AK3: variants seen among roughly 807,000 people sequenced by gnomAD.
AK3 encodes the protein GTP:AMP phosphotransferase AK3, mitochondrial.
In AK3, 27 loss-of-function variants were observed where a neutral mutation model predicts 23.7. The observed-to-expected ratio is 1.14, with a 90% CI of 0.84 to 1.57. The LOEUF (loss-of-function observed/expected upper bound fraction) is 1.57, where lower values mean the gene tolerates loss of function less well. Ranked by LOEUF, AK3 falls within the 40% of genes most tolerant of loss-of-function variation. The pLI is 0.00. For synonymous variants in AK3, 159 were observed against 116.0 expected (o/e 1.37, Z -2.38); for missense variants, 406 against 285.6 (o/e 1.42, Z -3.04).
intron 1 of AK3, among the ~76,000 whole-genome samples, chr9:4,726,228 T>C (rs7033866): frequency 0.5 from 75,662 of 151,948 alleles, 20,167 homozygotes; most frequent in East Asian, 0.74. Context: ...AATGATGAGG[T>C]GGCTGTGCAA....
chr9:4,721,893 C>T (rs1156947476), intron 2 of AK3, among the ~76,000 whole-genome samples: 1 of 152,180 alleles, frequency 6.6e-6, no homozygotes, highest in East Asian at 1.9e-4. Flanking sequence ...TTAGATAAAG[C>T]AAGCAAGTCA....
chr9:4,728,880 C>CATAT (rs367780035), intron 1 of AK3, among the ~76,000 whole-genome samples: 2 of 97,612 alleles, frequency 2.0e-5, no homozygotes, highest in Non-Finnish European at 5.2e-5. Context: ...CACACACACA[C>CATAT]ACATACATAT....
rs563611351 is a variant in AK3, at chr9:4,715,635, G to A, written c.564-2539C>T. ...GCTGATCTTGAATTCCTGCCTTTTC[G>A]ATCCTCCTGCCTTAGCCTCCCAAAG... On this transcript the variant is annotated intron_variant, in intron 4 of 4. Transcript: ENST00000381809. 2.6e-4 allele frequency among the ~76,000 whole-genome samples: 39 copies of A among 151,898 alleles called. 1 individual carries two copies. The South Asian group carries it at 5.6e-3, about 22-fold the overall frequency.
chr9:4,732,626 T>G (rs1487943202), intron 1 of AK3, among the ~76,000 whole-genome samples: 1 of 152,118 alleles, frequency 6.6e-6, no homozygotes, highest in Non-Finnish European at 1.5e-5. Flanking sequence ...ATAGGGAAAC[T>G]CAAAACCAAC....
At chr9:4,733,987 A>G (rs1480353043) in intron 1 of AK3, among the ~76,000 whole-genome samples, 3 of 152,172 alleles carry the variant, frequency 2.0e-5, no homozygotes, top group Non-Finnish European at 4.4e-5. Flanking sequence ...TATCACTCCA[A>G]TGACCGTGTT....
At position 4,722,530 on chromosome 9, in the gene AK3, T is replaced by A. The variant is rs769554300; in HGVS notation, c.247A>T (p.Thr83Ser). ...CCATCCAACAGCCAGCTATACTGGGTGAGATTTTTCAGCTCATGAAGGGCC... is the reference window on the plus strand; with the variant it reads ...CCATCCAACAGCCAGCTATACTGGGAGAGATTTTTCAGCTCATGAAGGGCC... ...RLALHELKNL[T>S]QYSWLLDGFP... The change falls in exon 2 of 5, where the codon ACC (threonine) becomes TCC (serine). Residue 83 changes from threonine (T) to serine (S), a missense_variant. Thr to Ser is a moderately conservative substitution (Grantham distance 58). Transcript: ENST00000381809. The A allele has an allele frequency of 6.2e-7, 1 of 1,614,112 alleles. No individual in the cohort carries two copies. The highest frequency in any genetic ancestry group is 1.7e-5 in the Admixed American group (1 of 59,994).
upstream of AK3, among the ~76,000 whole-genome samples, chr9:4,741,554 C>G (rs1422075999): frequency 6.6e-6 from 1 of 151,928 alleles, no homozygotes; most frequent in Non-Finnish European, 1.5e-5. Flanking sequence ...CCATTCCCAG[C>G]CGGATAGACC....
rs1489744118 is a variant in AK3, at chr9:4,722,639, G to A, written c.152-14C>T. On this transcript the variant is annotated splice_polypyrimidine_tract_variant and intron_variant, in intron 1 of 4. Coordinates refer to ENST00000381809, the MANE Select transcript of AK3 (RefSeq NM_016282.4). Reference sequence around the variant, plus strand: ...ACACGCCAATTTCTACAGCAAAGCGGGGAAAAAAATCAGTAAGTGCATTTG... The same window carrying A: ...ACACGCCAATTTCTACAGCAAAGCGAGGAAAAAAATCAGTAAGTGCATTTG... 25 of 1,613,542 alleles carry A rather than the reference G, an allele frequency of 1.5e-5. No homozygotes were observed. Among genetic ancestry groups the A allele is most frequent in the Non-Finnish European group, 2.0e-5 (24 of 1,179,838 alleles).
At chr9:4,715,460 T>A (rs992209636) in intron 4 of AK3, among the ~76,000 whole-genome samples, 1 of 144,546 alleles carries the variant, frequency 6.9e-6, no homozygotes, top group Non-Finnish European at 1.5e-5. Context: ...AGTGGAGCAA[T>A]CATAGATCAC....
chr9:4,738,680 A>G (rs1241853342), intron 1 of AK3, among the ~76,000 whole-genome samples: 2 of 151,856 alleles, frequency 1.3e-5, no homozygotes, highest in East Asian at 1.9e-4. Context: ...GCAAGGCAGA[A>G]TTATGAGGGA....
intron 1 of AK3, among the ~76,000 whole-genome samples, chr9:4,734,616 T>C (rs1259722808): frequency 6.6e-6 from 1 of 152,200 alleles, no homozygotes; most frequent in Non-Finnish European, 1.5e-5. Flanking sequence ...TGTTAAAAAA[T>C]ACCAATCTAG....
intron 1 of AK3, among the ~76,000 whole-genome samples, chr9:4,731,794 A>G (rs575409267): frequency 5.3e-5 from 8 of 152,250 alleles, no homozygotes; most frequent in African/African-American, 1.9e-4. Flanking sequence ...AACAACATGG[A>G]TTTGAACCGC....
intron 1 of AK3, among the ~76,000 whole-genome samples, chr9:4,723,436 A>T (rs760661870): frequency 6.6e-6 from 1 of 152,224 alleles, no homozygotes; most frequent in Non-Finnish European, 1.5e-5. Context: ...TTTTAACCAG[A>T]TTAGTATTGT....
chr9:4,717,497 C>G lies in AK3; in HGVS notation c.563+922G>C, dbSNP rs1452139783. 3.9e-5 allele frequency among the ~76,000 whole-genome samples: 6 copies of G among 152,196 alleles called. No individual in the cohort carries two copies. In the East Asian group the frequency reaches 1.2e-3, roughly 29 times the overall value. On this transcript the variant is annotated intron_variant, in intron 4 of 4. Transcript: ENST00000381809. ...TCCACACCATAGCATCCTGTATTGGCAAATGTGGTGGGCAATATTAAGTTT... is the reference window on the plus strand; with the variant it reads ...TCCACACCATAGCATCCTGTATTGGGAAATGTGGTGGGCAATATTAAGTTT...
In AK3 at chr9:4,722,542, G is replaced by C. The variant is rs1264542504; in HGVS notation, c.235C>G (p.Leu79Val). 5.0e-6 allele frequency: 8 copies of C among 1,614,190 alleles called. No individual in the cohort carries two copies. The highest frequency in any genetic ancestry group is 5.9e-6 in the Non-Finnish European group (7 of 1,180,036). The change falls in exon 2 of 5, where the codon CTG (leucine) becomes GTG (valine). Residue 79 changes from leucine (L) to valine (V), a missense_variant. Coordinates refer to ENST00000381809, the MANE Select transcript of AK3 (RefSeq NM_016282.4). ...CAGCTATACTGGGTGAGATTTTTCAGCTCATGAAGGGCCAGCCGAGTCATG... is the reference window on the plus strand; with the variant it reads ...CAGCTATACTGGGTGAGATTTTTCACCTCATGAAGGGCCAGCCGAGTCATG... ...DVMTRLALHE[L>V]KNLTQYSWLL...
chr9:4,726,987 T>C (rs566122420), intron 1 of AK3, among the ~76,000 whole-genome samples: 21 of 152,188 alleles, frequency 1.4e-4, no homozygotes, highest in Admixed American at 1.2e-3. Flanking sequence ...CCAGGTGCAT[T>C]GTCAATGAGC....
rs1358863750 is a variant in AK3, at chr9:4,716,136, T to C, written c.563+2283A>G. Among the ~76,000 whole-genome samples, 5 of 152,324 alleles carry C rather than the reference T, an allele frequency of 3.3e-5. No homozygotes were observed. The East Asian group carries it at 5.8e-4, about 18-fold the overall frequency. On this transcript the variant is annotated intron_variant, in intron 4 of 4. Transcript: ENST00000381809. ...AACACCTGGACCCATCCATCTATCTTTGACTTTTCAGTTACATTACCAATA... is the reference window on the plus strand; with the variant it reads ...AACACCTGGACCCATCCATCTATCTCTGACTTTTCAGTTACATTACCAATA...
At chr9:4,731,882 A>G (rs1842162227) in intron 1 of AK3, among the ~76,000 whole-genome samples, 1 of 152,188 alleles carries the variant, frequency 6.6e-6, no homozygotes, top group Non-Finnish European at 1.5e-5. Context: ...TGACATGAAG[A>G]CAATGGGGAT....
At chr9:4,723,626 A>G (rs1376742935) in intron 1 of AK3, among the ~76,000 whole-genome samples, 2 of 152,146 alleles carry the variant, frequency 1.3e-5, no homozygotes, top group African/African-American at 4.8e-5. Flanking sequence ...CGTATCTACA[A>G]TTTTATGTTC....
Sources: gnomAD v4.1 joint callset for allele counts (sites outside exome capture counted in the v4.1 genomes callset) on GRCh38, gnomAD v4.1.1 for gene constraint, MANE v1.5 for transcripts, NCBI Gene and HGNC (gene_info 2026-07-23, HGNC 2026-07-21) for gene names.